Variants in DDHD2 observed in about 807,000 individuals in gnomAD.
DDHD2 encodes the protein DDHD domain containing 2.
A neutral mutation model predicts 91.2 loss-of-function variants in DDHD2; 62 were observed. The observed-to-expected ratio is 0.68, with a 90% CI of 0.55 to 0.84. DDHD2 has a LOEUF of 0.84. Ranked by LOEUF, DDHD2 falls within the 40% of genes least tolerant of loss-of-function variation. The pLI is 0.00. For synonymous variants in DDHD2, 271 were observed against 293.9 expected, an observed-to-expected ratio of 0.92 and a Z score of 0.80; for missense variants, 740 against 846.9, an observed-to-expected ratio of 0.87 and a Z score of 1.57.
intron 16 of DDHD2, among the ~76,000 whole-genome samples, chr8:38,258,989 T>G (rs1028393012): frequency 6.6e-6 from 1 of 152,216 alleles, no homozygotes; most frequent in Non-Finnish European, 1.5e-5. Context: ...GAGAAATTGA[T>G]AACATTGGTT....
chr8:38,255,386 GA>G (rs1806439043), intron 16 of DDHD2: 1 of 478,876 alleles, frequency 2.1e-6, no homozygotes, highest in Non-Finnish European at 4.1e-6. Flanking sequence ...TGATAGAAAA[GA>G]AAGCAGAGTT....
At chr8:38,240,404 T>C (rs1459092733) in intron 6 of DDHD2, 40 bp downstream of exon 6, 2 of 1,390,796 alleles carry the variant, frequency 1.4e-6, no homozygotes, top group South Asian at 1.2e-5. Flanking sequence ...TAATCAGTGC[T>C]CTTGTGAGCT....
At chr8:38,264,393 A>T, downstream of DDHD2, 1 of 1,436,278 alleles carries the variant, frequency 7.0e-7, no homozygotes, top group Non-Finnish European at 9.3e-7. Context: ...TCAGCCTCCC[A>T]AAGTGTTGGG....
At chr8:38,271,640 TTTCCA>T (rs1175627171), downstream of DDHD2, 1 of 152,260 alleles carries the variant, frequency 6.6e-6, no homozygotes, top group Non-Finnish European at 1.5e-5. Context: ...AAGGAAAGTG[TTTCCA>T]TTCATCAATT....
rs771841303 is a variant in DDHD2 at position 38,234,530 on chromosome 8, G to A, written c.357G>A (p.Gly119=). ...EVRRCTWFYK[G]DKDNKYVPYS... ...GACGATGTACGTGGTTTTACAAGGG[G>A]GACAAAGACAATAAGTATGTTCCCT... The change falls in exon 3 of 18, where the codon GGG becomes GGA. Residue 119 remains glycine (G), a synonymous_variant. Coordinates refer to ENST00000397166, the MANE Select transcript of DDHD2 (RefSeq NM_015214.3). 7 of 1,612,584 alleles carry A rather than the reference G, an allele frequency of 4.3e-6. No individual in the cohort carries two copies. The African/African-American group carries it at 6.7e-5, about 15-fold the overall frequency.
chr8:38,259,516 A>T (rs906618531), intron 16 of DDHD2, among the ~76,000 whole-genome samples: 1 of 151,946 alleles, frequency 6.6e-6, no homozygotes, highest in African/African-American at 2.4e-5. Flanking sequence ...CTCCCCAGTA[A>T]CTGGGACTAC....
chr8:38,268,641 C>A, intron 1 of DDHD2: 1 of 1,436,700 alleles, frequency 7.0e-7, no homozygotes, highest in South Asian at 1.5e-5. Flanking sequence ...GCTCGGGCCC[C>A]GGTACCTCAG....
intron 3 of DDHD2, 34 bp downstream of exon 3, chr8:38,234,618 C>A: frequency 6.7e-7 from 1 of 1,491,846 alleles, no homozygotes; most frequent in African/African-American, 1.4e-5. Flanking sequence ...CTTATTCTTT[C>A]TTTCTCTTAT....
chr8:38,234,518 G>GT lies in DDHD2; in HGVS notation c.349dup (p.Tyr117LeufsTer8), dbSNP rs1804548924. The GT allele has an allele frequency of 6.2e-7, 1 of 1,613,136 alleles. No homozygotes were observed. The highest frequency in any genetic ancestry group is 8.5e-7 in the Non-Finnish European group (1 of 1,179,890). ...CATCGGAAGTGAGACGATGTACGTG[G>GT]TTTTACAAGGGGGACAAAGACAATA... On this transcript the variant is annotated frameshift_variant, in exon 3 of 18. Coordinates refer to ENST00000397166, the MANE Select transcript of DDHD2 (RefSeq NM_015214.3). LOFTEE classifies it high-confidence loss of function.
intron 11 of DDHD2, chr8:38,250,736 A>C (rs1309611618): frequency 6.6e-6 from 1 of 152,108 alleles, no homozygotes; most frequent in Non-Finnish European, 1.5e-5. Flanking sequence ...GGTTTTTAGT[A>C]TATTCATAGA....
At chr8:38,247,669 CTA>C (rs754440277) in intron 9 of DDHD2, 42 bp from the exon 10 acceptor site, 3 of 1,304,996 alleles carry the variant, frequency 2.3e-6, no homozygotes, top group Admixed American at 2.7e-5. Context: ...TTAAAGGAAA[CTA>C]AATGAATTTC....
Position 38,260,102 on chromosome 8 carries a change from T to C in DDHD2, c.2117T>C (p.Leu706Pro). Reference protein sequence around the residue: ...KEIYQTQGIFLDQPLQ With the variant: ...KEIYQTQGIFPDQPLQ ...ATCTACCAAACCCAGGGTATCTTCCTTGATCAGCCTTTACAGTAAAAATGA... is the reference window on the plus strand; with the variant it reads ...ATCTACCAAACCCAGGGTATCTTCCCTGATCAGCCTTTACAGTAAAAATGA... The change falls in exon 17 of 18, where the codon CTT becomes CCT. Residue 706 changes from leucine (L) to proline (P), a missense_variant. Physicochemically the swap from Leu to Pro is moderately conservative, Grantham distance 98. Transcript: ENST00000397166. The C allele has an allele frequency of 1.9e-6, 3 of 1,613,056 alleles. No individual in the cohort carries two copies. The highest frequency in any genetic ancestry group is 2.5e-6 in the Non-Finnish European group (3 of 1,179,030).
intron 6 of DDHD2, among the ~76,000 whole-genome samples, chr8:38,240,669 T>A (rs1449927525): frequency 6.6e-6 from 1 of 152,250 alleles, no homozygotes; most frequent in Non-Finnish European, 1.5e-5. Flanking sequence ...ATAAAGATGA[T>A]AGAGTTTAAT....
downstream of DDHD2, chr8:38,266,087 A>G: frequency 6.4e-7 from 1 of 1,551,614 alleles, no homozygotes; most frequent in Non-Finnish European, 8.8e-7. Flanking sequence ...GCTAGGTGCT[A>G]GGAATAAAAT....
chr8:38,267,552 T>TACTG, downstream of DDHD2: 1 of 845,500 alleles, frequency 1.2e-6, no homozygotes, highest in South Asian at 1.9e-5. Context: ...AGAAAAGCCT[T>TACTG]TCAAGGTGAG....
chr8:38,262,424 G>A lies in DDHD2; in HGVS notation c.*1851G>A, dbSNP rs564261659. On this transcript the variant is annotated 3_prime_UTR_variant, in exon 18 of 18. Transcript: ENST00000397166. ...GTTTCTTTCCTAGTGGTGAGGGGTGGGTAACTGTGAAAGAGCTTTATATCT... is the reference window on the plus strand; with the variant it reads ...GTTTCTTTCCTAGTGGTGAGGGGTGAGTAACTGTGAAAGAGCTTTATATCT... 2 of 152,172 alleles carry A rather than the reference G, an allele frequency of 1.3e-5. No homozygotes were observed. Among genetic ancestry groups the A allele is most frequent in the South Asian group, 4.2e-4 (2 of 4,818 alleles). 9.4% of individuals were successfully genotyped at this position (152,172 alleles called of 1,614,324 possible).
chr8:38,265,007 G>T (rs370513247), downstream of DDHD2: 920 of 1,199,772 alleles, frequency 7.7e-4, 1 homozygote, highest in Non-Finnish European at 1.0e-3. Flanking sequence ...GGTGACTCAC[G>T]CCTGTAATCC....
At chr8:38,268,204 C>T (rs1172695591) in intron 1 of DDHD2, 15 of 1,088,354 alleles carry the variant, frequency 1.4e-5, no homozygotes, top group Non-Finnish European at 1.9e-5. Context: ...GCCGTGTAGC[C>T]TGCGTAACCA....
chr8:38,238,223 T>G lies in DDHD2; in HGVS notation c.622+14T>G. On this transcript the variant is annotated intron_variant, in intron 5 of 17. Coordinates refer to ENST00000397166, the MANE Select transcript of DDHD2 (RefSeq NM_015214.3). Reference sequence around the variant, plus strand: ...ACATTCATTGTGGTAATGTTAATCGTTTATTTTTTCTTACCTTTGGATGTA... The same window carrying G: ...ACATTCATTGTGGTAATGTTAATCGGTTATTTTTTCTTACCTTTGGATGTA... 6.2e-7 allele frequency: 1 copy of G among 1,613,372 alleles called. No homozygotes were observed. The highest frequency in any genetic ancestry group is 8.5e-7 in the Non-Finnish European group (1 of 1,179,592).
Sources: allele counts gnomAD v4.1 joint callset (sites outside exome capture counted in the v4.1 genomes callset), GRCh38; gene constraint gnomAD v4.1.1; transcripts MANE v1.5; gene names NCBI Gene and HGNC (gene_info 2026-07-23, HGNC 2026-07-21).